CDKAL1: variants seen among roughly 807,000 people sequenced by gnomAD.
The protein encoded by CDKAL1 is threonylcarbamoyladenosine tRNA methylthiotransferase.
CDKAL1 carries 32 observed loss-of-function variants against 68.2 expected under a neutral mutation model. That is an observed-to-expected ratio of 0.47 (90% confidence interval 0.35 to 0.63). The LOEUF (loss-of-function observed/expected upper bound fraction) is 0.63. Ranked by LOEUF, CDKAL1 falls within the 30% of genes least tolerant of loss-of-function variation. The pLI is 0.00. For synonymous variants in CDKAL1, 234 were observed against 244.3 expected (o/e 0.96, Z 0.39); for missense variants, 606 against 696.7 (o/e 0.87, Z 1.47).
At chr6:20,618,825 C>T (rs1238110271) in intron 4 of CDKAL1, among the ~76,000 whole-genome samples, 3 of 152,054 alleles carry the variant, frequency 2.0e-5, no homozygotes, top group East Asian at 3.9e-4. Flanking sequence ...ACCACAGGCA[C>T]GTGCCACCAC....
intron 4 of CDKAL1, among the ~76,000 whole-genome samples, chr6:20,619,505 TA>T (rs988012771): frequency 6.6e-5 from 10 of 152,152 alleles, no homozygotes; most frequent in East Asian, 5.8e-4. Context: ...ATCTTCTAGT[TA>T]AAAAAAATGA....
intron 12 of CDKAL1, among the ~76,000 whole-genome samples, chr6:21,078,422 C>T (rs1164124638): frequency 6.6e-6 from 1 of 152,142 alleles, no homozygotes; most frequent in Non-Finnish European, 1.5e-5. Flanking sequence ...AACATTTAGC[C>T]ATGATTATAT....
chr6:20,619,500 C>T (rs1421072452), intron 4 of CDKAL1, among the ~76,000 whole-genome samples: 1 of 152,008 alleles, frequency 6.6e-6, no homozygotes, highest in African/African-American at 2.4e-5. Context: ...ATTCTATCTT[C>T]TAGTTAAAAA....
At chr6:21,042,562 G>A (rs1469159946) in intron 11 of CDKAL1, among the ~76,000 whole-genome samples, 1 of 151,982 alleles carries the variant, frequency 6.6e-6, no homozygotes, top group Non-Finnish European at 1.5e-5. Context: ...ACCACCACCT[G>A]CCTCCACTCA....
At chr6:20,917,187 G>T (rs542424061) in intron 9 of CDKAL1, among the ~76,000 whole-genome samples, 13 of 152,160 alleles carry the variant, frequency 8.5e-5, no homozygotes, top group African/African-American at 2.6e-4. Context: ...CACCATGTTG[G>T]CCAGGCTGAT....
rs80311078 is a variant in CDKAL1, at chr6:20,691,304, G to A, written c.371+41927G>A. Among the ~76,000 whole-genome samples, 311 of 150,486 alleles carry A rather than the reference G, an allele frequency of 2.1e-3. 1 individual carries two copies. Among genetic ancestry groups the A allele is most frequent in the Non-Finnish European group, 2.1e-3 (144 of 67,548 alleles). The stretch of plus-strand genomic sequence containing the variant: ...TCTGGGCCGGCAGACCCTGAGCAGC[G>A]ACTGCTGCTGAGAGCAGGTGTGTGT... On this transcript the variant is annotated intron_variant, in intron 5 of 15. Transcript: ENST00000274695.
intron 7 of CDKAL1, among the ~76,000 whole-genome samples, chr6:20,777,475 C>T (rs963478481): frequency 2.0e-5 from 3 of 151,932 alleles, no homozygotes; most frequent in Admixed American, 6.6e-5. Context: ...AGTAACTGGA[C>T]GTGGTGGCGC....
chr6:20,713,422 A>G (rs1256774702), intron 5 of CDKAL1, among the ~76,000 whole-genome samples: 1 of 152,178 alleles, frequency 6.6e-6, no homozygotes, highest in African/African-American at 2.4e-5. Context: ...ACATGATGTA[A>G]ATCATTCTTA....
At chr6:20,809,569 G>A (rs1454763490) in intron 8 of CDKAL1, among the ~76,000 whole-genome samples, 1 of 152,122 alleles carries the variant, frequency 6.6e-6, no homozygotes, top group Non-Finnish European at 1.5e-5. Flanking sequence ...CCTTAGAGGA[G>A]GCAACATACT....
At chr6:21,205,808 T>TGGGATTACAG (rs1362858564) in intron 15 of CDKAL1, among the ~76,000 whole-genome samples, 1 of 139,456 alleles carries the variant, frequency 7.2e-6, no homozygotes, top group African/African-American at 2.7e-5. Flanking sequence ...TGGGATTACA[T>TGGGATTACAG]GCGTGAGCCC....
intron 5 of CDKAL1, among the ~76,000 whole-genome samples, chr6:20,729,499 G>A (rs1013018074): frequency 2.0e-5 from 3 of 152,010 alleles, no homozygotes; most frequent in African/African-American, 4.8e-5. Context: ...TGCTACTTTC[G>A]TGTAACCATA....
chr6:20,980,273 T>C (rs1766064343), intron 10 of CDKAL1, among the ~76,000 whole-genome samples: 1 of 152,150 alleles, frequency 6.6e-6, no homozygotes, highest in African/African-American at 2.4e-5. Context: ...AGTCTCGTTC[T>C]GTCGCCCAGG....
intron 11 of CDKAL1, among the ~76,000 whole-genome samples, chr6:21,025,286 A>G (rs1768894070): frequency 6.6e-6 from 1 of 152,200 alleles, no homozygotes; most frequent in South Asian, 2.1e-4. Flanking sequence ...AGTGTCATTC[A>G]TAGTCAAACA....
rs563408325 is a variant in CDKAL1 at position 20,994,470 on chromosome 6, TGAAAAGAAAAAA to T, written c.910-5746_910-5735del. Among the ~76,000 whole-genome samples the T allele has an allele frequency of 1.8e-4, 28 of 152,074 alleles. No individual in the cohort carries two copies. The South Asian group carries it at 4.6e-3, about 25-fold the overall frequency. On this transcript the variant is annotated intron_variant, in intron 10 of 15. Transcript: ENST00000274695. ...CTCCAGCCTGGGTGACAGAGTGAGA[TGAAAAGAAAAAA>T]GAAAAGAAAAGAGAAAATGCACTGT...
At chr6:21,082,139 T>A (rs1772439571) in intron 12 of CDKAL1, among the ~76,000 whole-genome samples, 3 of 152,192 alleles carry the variant, frequency 2.0e-5, no homozygotes, top group African/African-American at 7.2e-5. Flanking sequence ...AGCATTCAAA[T>A]GGACAAAAAT....
chr6:21,022,167 A>AC (rs1467808280), intron 11 of CDKAL1, among the ~76,000 whole-genome samples: 1 of 152,200 alleles, frequency 6.6e-6, no homozygotes, highest in Non-Finnish European at 1.5e-5. Context: ...ATGGCCTCCT[A>AC]CTTTGCAGGT....
At chr6:20,769,629 C>G (rs957558975) in intron 7 of CDKAL1, among the ~76,000 whole-genome samples, 8 of 152,154 alleles carry the variant, frequency 5.3e-5, no homozygotes, top group African/African-American at 1.9e-4. Flanking sequence ...GAAATGGAAT[C>G]TGACTTTAAC....
At chr6:21,211,488 C>T in intron 15 of CDKAL1, among the ~76,000 whole-genome samples, 1 of 152,142 alleles carries the variant, frequency 6.6e-6, no homozygotes, top group Non-Finnish European at 1.5e-5. Flanking sequence ...AGTTTAGAGT[C>T]AGGTAGTTGT....
At chr6:21,193,840 C>T (rs1778357899) in intron 13 of CDKAL1, among the ~76,000 whole-genome samples, 1 of 152,186 alleles carries the variant, frequency 6.6e-6, no homozygotes, top group Admixed American at 6.5e-5. Context: ...GTATCTTAAA[C>T]ATTTCTGCTG....
Sources: gnomAD v4.1 joint callset for allele counts (sites outside exome capture counted in the v4.1 genomes callset) on GRCh38, gnomAD v4.1.1 for gene constraint, MANE v1.5 for transcripts, NCBI Gene and HGNC (gene_info 2026-07-23, HGNC 2026-07-21) for gene names.